Variants in JAZF1 observed in about 807,000 individuals in gnomAD.
The protein encoded by JAZF1 is juxtaposed with another zinc finger protein 1.
A neutral mutation model predicts 26.4 loss-of-function variants in JAZF1; 8 were observed. The ratio of observed to expected loss-of-function variants is 0.30; its 90% CI spans 0.18 to 0.55. The LOEUF (loss-of-function observed/expected upper bound fraction) is 0.55. JAZF1 is among the 20% of genes least tolerant of loss of function. The pLI, the probability that JAZF1 is intolerant of heterozygous loss-of-function variation, is 0.94. For synonymous variants in JAZF1, 126 were observed against 122.3 expected, an observed-to-expected ratio of 1.03 and a Z score of -0.20; for missense variants, 199 against 322.0, an observed-to-expected ratio of 0.62 and a Z score of 2.92.
At chr7:28,014,236 AAG>A (rs1490266988) in intron 1 of JAZF1, among the ~76,000 whole-genome samples, 3 of 152,220 alleles carry the variant, frequency 2.0e-5, no homozygotes, top group Non-Finnish European at 2.9e-5. Context: ...TGGTTTTCCT[AAG>A]AGAGCACTGG....
intron 2 of JAZF1, among the ~76,000 whole-genome samples, chr7:27,920,072 C>A (rs1057468924): frequency 6.6e-6 from 1 of 152,052 alleles, no homozygotes; most frequent in Non-Finnish European, 1.5e-5. Context: ...TGGCCCTGAC[C>A]CAAAACTAAT....
At chr7:27,860,150 A>G (rs1368196525) in intron 3 of JAZF1, among the ~76,000 whole-genome samples, 1 of 152,246 alleles carries the variant, frequency 6.6e-6, no homozygotes, top group Non-Finnish European at 1.5e-5. Flanking sequence ...AATGTATGAT[A>G]GCTCACATTT....
chr7:27,895,471 G>C (rs1784046390), intron 2 of JAZF1, 55 bp from the exon 3 acceptor site: 2 of 1,306,258 alleles, frequency 1.5e-6, no homozygotes, highest in African/African-American at 3.0e-5. Flanking sequence ...CATGAGGACT[G>C]ATGACATTTA....
At position 27,840,106 on chromosome 7, in the gene JAZF1, G is replaced by C. The variant is rs960451996; in HGVS notation, c.555+592C>G. Among the ~76,000 whole-genome samples the C allele has an allele frequency of 2.0e-5, 3 of 152,190 alleles. No individual in the cohort carries two copies. The highest frequency in any genetic ancestry group is 2.9e-5 in the Non-Finnish European group (2 of 68,034). ...ATGACACCCAGGCCCTCAGAGACCT[G>C]GGTCAGCAGACAGGCAGCTGAAGCT... On this transcript the variant is annotated intron_variant, in intron 4 of 4. Transcript: ENST00000283928. The surrounding 1 kb of genome is among the most constrained non-coding windows in gnomAD (Gnocchi z 5.1).
intron 1 of JAZF1, among the ~76,000 whole-genome samples, chr7:28,124,324 T>C (rs565911819): frequency 2.0e-5 from 3 of 152,300 alleles, no homozygotes; most frequent in Non-Finnish European, 2.9e-5. Flanking sequence ...GCTCCTGGAC[T>C]TATAGTGTCC....
chr7:28,069,356 G>C (rs1783934502), intron 1 of JAZF1, among the ~76,000 whole-genome samples: 1 of 152,176 alleles, frequency 6.6e-6, no homozygotes, highest in South Asian at 2.1e-4. Context: ...ACATCAATTG[G>C]ATGTCTGTAC....
chr7:28,148,753 C>T (rs886705980), intron 1 of JAZF1, among the ~76,000 whole-genome samples: 13 of 152,206 alleles, frequency 8.5e-5, no homozygotes, highest in Non-Finnish European at 7.3e-5. Flanking sequence ...TTGCTGCACT[C>T]AATAAGCTCA....
chr7:27,833,658 A>G (rs188379386), intron 4 of JAZF1, among the ~76,000 whole-genome samples: 1 of 152,354 alleles, frequency 6.6e-6, no homozygotes, highest in Admixed American at 6.5e-5. Context: ...CATACAATGA[A>G]CTTTAAAAAT....
chr7:28,137,944 G>C (rs1203007157), intron 1 of JAZF1, among the ~76,000 whole-genome samples: 1 of 152,186 alleles, frequency 6.6e-6, no homozygotes, highest in Non-Finnish European at 1.5e-5. Flanking sequence ...CTGAGGGACA[G>C]GCAGGTTAAG....
At chr7:27,912,068 C>T (rs1784367391) in intron 2 of JAZF1, among the ~76,000 whole-genome samples, 1 of 152,072 alleles carries the variant, frequency 6.6e-6, no homozygotes, top group Non-Finnish European at 1.5e-5. Context: ...GTACTGGGAG[C>T]TGAAAAATGT....
intron 1 of JAZF1, among the ~76,000 whole-genome samples, chr7:28,028,115 C>T (rs543015817): frequency 6.6e-6 from 1 of 152,308 alleles, no homozygotes; most frequent in South Asian, 2.1e-4. Flanking sequence ...TGAATCAAAA[C>T]AAGCCCAAGT....
intron 1 of JAZF1, among the ~76,000 whole-genome samples, chr7:28,139,329 C>G (rs1029164666): frequency 6.6e-6 from 1 of 152,224 alleles, no homozygotes; most frequent in Non-Finnish European, 1.5e-5. Flanking sequence ...TCCCCCAGAG[C>G]TGATCCACTG....
chr7:27,991,275 C>A (rs1785897017), intron 2 of JAZF1, among the ~76,000 whole-genome samples: 1 of 152,110 alleles, frequency 6.6e-6, no homozygotes, highest in Non-Finnish European at 1.5e-5. Flanking sequence ...TGTGTGTTTT[C>A]TTAACCTAAG....
chr7:28,002,594 T>G (rs1782621596), intron 1 of JAZF1, among the ~76,000 whole-genome samples: 1 of 152,210 alleles, frequency 6.6e-6, no homozygotes, highest in Non-Finnish European at 1.5e-5. Context: ...TACTGCTCAG[T>G]TCTTTAGTCC....
intron 2 of JAZF1, among the ~76,000 whole-genome samples, chr7:27,933,639 C>T (rs1211803958): frequency 1.3e-5 from 2 of 152,106 alleles, no homozygotes; most frequent in Admixed American, 6.5e-5. Context: ...TTCTTTAAGG[C>T]CTTGTTGCTT....
chr7:28,153,209 T>G (rs1783135226), intron 1 of JAZF1, among the ~76,000 whole-genome samples: 1 of 152,136 alleles, frequency 6.6e-6, no homozygotes. Context: ...CATACAGTTC[T>G]TAACACTGTC....
chr7:28,082,112 A>T (rs1054544051), intron 1 of JAZF1, among the ~76,000 whole-genome samples: 2 of 152,160 alleles, frequency 1.3e-5, no homozygotes, highest in African/African-American at 2.4e-5. Context: ...ATTATGAGAA[A>T]GTATCTGGAG....
intron 2 of JAZF1, among the ~76,000 whole-genome samples, chr7:27,904,271 A>C (rs1562524690): frequency 6.6e-6 from 1 of 152,210 alleles, no homozygotes; most frequent in Non-Finnish European, 1.5e-5. Context: ...TCTAGGTCTC[A>C]ATGTAATGAT....
chr7:27,932,207 T>C (rs1178098682), intron 2 of JAZF1, among the ~76,000 whole-genome samples: 1 of 152,206 alleles, frequency 6.6e-6, no homozygotes, highest in Non-Finnish European at 1.5e-5. Context: ...TGGAGTTGGA[T>C]AGGACTAACG....
Sources: gnomAD v4.1 joint callset for allele counts (sites outside exome capture counted in the v4.1 genomes callset) on GRCh38, gnomAD v4.1.1 for gene constraint, Gnocchi (gnomAD v3.1) non-coding constraint, MANE v1.5 for transcripts, NCBI Gene and HGNC (gene_info 2026-07-23, HGNC 2026-07-21) for gene names.